The following SLC2A13 variants were observed in gnomAD, a reference collection of about 807,000 sequenced individuals.
SLC2A13 encodes the protein proton myo-inositol cotransporter.
A neutral mutation model predicts 64.4 loss-of-function variants in SLC2A13; 32 were observed. That is an observed-to-expected ratio of 0.50 (90% confidence interval 0.37 to 0.67). The LOEUF (loss-of-function observed/expected upper bound fraction) is 0.67. SLC2A13 is among the 30% of genes least tolerant of loss of function. The pLI is 0.00. For missense variants in SLC2A13, 743 were observed against 829.2 expected (o/e 0.90, Z 1.28); for synonymous variants, 338 against 327.1 (o/e 1.03, Z -0.36).
At chr12:39,922,930 C>T (rs753250926) in intron 4 of SLC2A13, among the ~76,000 whole-genome samples, 19 of 152,154 alleles carry the variant, frequency 1.2e-4, no homozygotes, top group Non-Finnish European at 2.5e-4. Context: ...TTTAAATAAG[C>T]TAGTCTTATC....
intron 3 of SLC2A13, among the ~76,000 whole-genome samples, chr12:39,959,237 G>C (rs1942012783): frequency 1.3e-5 from 2 of 152,156 alleles, no homozygotes; most frequent in South Asian, 4.1e-4. Flanking sequence ...ATTACAAGCT[G>C]GTGCTTGGCA....
intron 5 of SLC2A13, among the ~76,000 whole-genome samples, chr12:39,866,744 G>A (rs1943922542): frequency 6.6e-6 from 1 of 152,096 alleles, no homozygotes. Context: ...CTCCCAAAGT[G>A]CTGGGATTAC....
intron 3 of SLC2A13, among the ~76,000 whole-genome samples, chr12:39,972,555 C>T (rs936879495): frequency 1.3e-5 from 2 of 152,158 alleles, no homozygotes; most frequent in East Asian, 1.9e-4. Flanking sequence ...GTTGATCATA[C>T]TCTTTAAGCC....
At chr12:39,838,237 A>T (rs1943073723) in intron 6 of SLC2A13, among the ~76,000 whole-genome samples, 1 of 151,036 alleles carries the variant, frequency 6.6e-6, no homozygotes, top group Non-Finnish European at 1.5e-5. Context: ...AAACTGTCGC[A>T]AGATCAAAAA....
chr12:39,862,003 C>G (rs1449878624), intron 6 of SLC2A13, among the ~76,000 whole-genome samples: 1 of 152,200 alleles, frequency 6.6e-6, no homozygotes, highest in African/African-American at 2.4e-5. Flanking sequence ...CATGCATTAG[C>G]TATTTATCCA....
rs28370767 is a variant in SLC2A13, at chr12:40,011,429, T to C, written c.925+16872A>G. On this transcript the variant is annotated intron_variant, in intron 3 of 9. Transcript: ENST00000280871. Reference sequence around the variant, plus strand: ...ATAAACTTTCTTGGGTCCTTCCCTTTGTTGGGACTCACAGAATTTCATACT... The same window carrying C: ...ATAAACTTTCTTGGGTCCTTCCCTTCGTTGGGACTCACAGAATTTCATACT... Among the ~76,000 whole-genome samples, 1,149 of 152,306 alleles carry C rather than the reference T, an allele frequency of 7.5e-3. 14 individuals are homozygous for C. Among genetic ancestry groups the C allele is most frequent in the African/African-American group, 0.026 (1,089 of 41,540 alleles).
At chr12:39,981,001 G>C (rs940096646) in intron 3 of SLC2A13, among the ~76,000 whole-genome samples, 11 of 151,726 alleles carry the variant, frequency 7.2e-5, no homozygotes, top group Admixed American at 7.2e-4. Context: ...AATCAAACTA[G>C]AACTCAGGAT....
intron 7 of SLC2A13, among the ~76,000 whole-genome samples, chr12:39,798,263 TGA>T (rs1367577378): frequency 6.6e-6 from 1 of 152,296 alleles, no homozygotes; most frequent in South Asian, 2.1e-4. Flanking sequence ...TGCAATCTCA[TGA>T]GAGATACCAC....
At chr12:39,984,146 AG>A (rs1483135453) in intron 3 of SLC2A13, among the ~76,000 whole-genome samples, 2 of 145,146 alleles carry the variant, frequency 1.4e-5, no homozygotes, top group Admixed American at 7.0e-5. Flanking sequence ...ACATGGACAC[AG>A]GAAGGGGAAT....
At chr12:40,048,989 C>T (rs1948210008) in intron 1 of SLC2A13, among the ~76,000 whole-genome samples, 1 of 152,126 alleles carries the variant, frequency 6.6e-6, no homozygotes, top group Non-Finnish European at 1.5e-5. Flanking sequence ...TTGACACTTA[C>T]TGTGTATTTA....
Position 40,028,462 on chromosome 12 carries a change from C to A in SLC2A13, c.764G>T (p.Gly255Val). 1 of 1,613,910 alleles carries A rather than the reference C, an allele frequency of 6.2e-7. No individual in the cohort carries two copies. The highest frequency in any genetic ancestry group is 8.5e-7 in the Non-Finnish European group (1 of 1,179,946). Residue 255 changes from glycine to valine, a missense_variant, in exon 3 of 10, where the codon GGC becomes GTC. Physicochemically the swap from Gly to Val is moderately radical, Grantham distance 109. Around this residue, in one of 2 missense-constraint regions of SLC2A13, gnomAD observed 448 missense variants for 447.4 expected, o/e 1.00. Transcript: ENST00000280871. Reference protein sequence around the residue: ...AAVPAVIQFFGFLFLPESPRW... With the variant: ...AAVPAVIQFFVFLFLPESPRW... ...AGGGCTTTCAGGCAAAAAGAGAAAG[C>A]CAAAAAACTGTATAACCGCCGGAAC...
chr12:39,951,885 T>C (rs1946238229), intron 3 of SLC2A13, among the ~76,000 whole-genome samples: 2 of 152,166 alleles, frequency 1.3e-5, no homozygotes. Flanking sequence ...GCCTTGGTTA[T>C]AGCTACAATG....
chr12:39,858,254 T>C (rs1408854935), intron 6 of SLC2A13, among the ~76,000 whole-genome samples: 1 of 152,234 alleles, frequency 6.6e-6, no homozygotes, highest in Non-Finnish European at 1.5e-5. Context: ...TGTGGACTTT[T>C]TGTTCCAACT....
intron 4 of SLC2A13, among the ~76,000 whole-genome samples, chr12:39,913,641 A>ATCT (rs1349232476): frequency 4.6e-5 from 7 of 151,910 alleles, no homozygotes; most frequent in African/African-American, 7.3e-5. Flanking sequence ...ACAGTAAGCA[A>ATCT]TTTCAGGAGA....
chr12:39,784,064 C>G (rs372727654), intron 7 of SLC2A13, among the ~76,000 whole-genome samples: 5 of 151,938 alleles, frequency 3.3e-5, no homozygotes, highest in East Asian at 1.9e-4. Flanking sequence ...CACTGCTCAA[C>G]GAAATAAAAG....
chr12:39,775,346 A>G (rs1194848648), intron 7 of SLC2A13, among the ~76,000 whole-genome samples: 1 of 152,234 alleles, frequency 6.6e-6, no homozygotes, highest in Non-Finnish European at 1.5e-5. Context: ...GCCAACAAGC[A>G]AGGCAATAGG....
chr12:39,803,502 A>G (rs892733650), intron 7 of SLC2A13, among the ~76,000 whole-genome samples: 4 of 152,174 alleles, frequency 2.6e-5, no homozygotes, highest in African/African-American at 9.6e-5. Context: ...CTACTGTAAA[A>G]ACCTTCAGAT....
At chr12:40,064,598 T>C (rs534750032) in intron 1 of SLC2A13, among the ~76,000 whole-genome samples, 8 of 152,144 alleles carry the variant, frequency 5.3e-5, no homozygotes, top group Admixed American at 1.3e-4. Context: ...TTCTTAAAAT[T>C]ACCAAAATCA....
intron 1 of SLC2A13, among the ~76,000 whole-genome samples, chr12:40,089,915 A>G (rs1391771503): frequency 1.3e-5 from 2 of 152,120 alleles, no homozygotes; most frequent in Non-Finnish European, 2.9e-5. Flanking sequence ...TGAAGGACTG[A>G]GCGCTTGATT....
Sources: allele counts gnomAD v4.1 joint callset (sites outside exome capture counted in the v4.1 genomes callset), GRCh38; gene constraint gnomAD v4.1.1; regional missense constraint gnomAD v4.1.1; transcripts MANE v1.5; gene names NCBI Gene and HGNC (gene_info 2026-07-23, HGNC 2026-07-21).